Variants in ANXA4 observed in about 807,000 individuals in gnomAD.
The protein encoded by ANXA4 is 35-beta calcimedin.
ANXA4 carries 39 observed loss-of-function variants against 49.8 expected under a neutral mutation model. That is an observed-to-expected ratio of 0.78 (90% CI 0.61 to 1.02). ANXA4 has a LOEUF of 1.02. Ranked by LOEUF, ANXA4 falls within the 50% of genes least tolerant of loss-of-function variation. The pLI, the probability that ANXA4 is intolerant of heterozygous loss-of-function variation, is 0.00. For synonymous variants in ANXA4, 134 were observed against 152.5 expected (o/e 0.88, Z 0.89); for missense variants, 360 against 410.1 (o/e 0.88, Z 1.05).
upstream of ANXA4, among the ~76,000 whole-genome samples, chr2:69,740,866 T>G (rs1051709628): frequency 8.1e-5 from 12 of 148,258 alleles, no homozygotes; most frequent in African/African-American, 1.5e-4. Flanking sequence ...TTTTTTTTTT[T>G]TTTTTTTTTG....
At chr2:69,704,508 G>A (rs533860312) in intron 2 of ANXA4, among the ~76,000 whole-genome samples, 4 of 152,306 alleles carry the variant, frequency 2.6e-5, no homozygotes, top group Admixed American at 6.5e-5. Context: ...AATTGGCCTC[G>A]ATAGACGAGA....
rs192761490 is a variant in ANXA4, at chr2:69,824,992, G to A, written c.907-464G>A. Among the ~76,000 whole-genome samples the A allele has an allele frequency of 6.1e-4, 91 of 150,024 alleles. 1 individual carries two copies. In the East Asian group the frequency reaches 0.015, roughly 25 times the overall value. On this transcript the variant is annotated intron_variant, in intron 12 of 12. Coordinates refer to ENST00000394295, the MANE Select transcript of ANXA4 (RefSeq NM_001153.5). The stretch of plus-strand genomic sequence containing the variant: ...TGACGCAGAAGAATGGCGTGAACCC[G>A]GGAGGCAGAGCTTGCAGTGAGTCAA...
intron 2 of ANXA4, among the ~76,000 whole-genome samples, chr2:69,693,701 C>T (rs1678056530): frequency 6.6e-6 from 1 of 152,168 alleles, no homozygotes. Flanking sequence ...GTTTCATCAA[C>T]ATCTGTGACA....
intron 1 of ANXA4, among the ~76,000 whole-genome samples, chr2:69,646,795 A>G (rs1676023851): frequency 6.6e-6 from 1 of 152,206 alleles, no homozygotes. Flanking sequence ...TATTGAATCA[A>G]TTGTAGCTCA....
At chr2:69,703,774 TTATC>T (rs886317345) in intron 2 of ANXA4, among the ~76,000 whole-genome samples, 48 of 152,194 alleles carry the variant, frequency 3.2e-4, no homozygotes, top group Non-Finnish European at 2.8e-4. Flanking sequence ...TTTTATTCCA[TTATC>T]TATCTAAATC....
At chr2:69,794,620 T>G (rs957988069) in intron 3 of ANXA4, among the ~76,000 whole-genome samples, 11 of 152,122 alleles carry the variant, frequency 7.2e-5, no homozygotes, top group Non-Finnish European at 1.5e-5. Flanking sequence ...TGGAGTGCAG[T>G]GGCATGATCT....
intron 3 of ANXA4, among the ~76,000 whole-genome samples, chr2:69,802,365 A>C (rs1165306813): frequency 6.6e-6 from 1 of 152,250 alleles, no homozygotes; most frequent in Non-Finnish European, 1.5e-5. Context: ...GCTGTAAAGC[A>C]ACATTTTGCA....
chr2:69,812,480 G>A (rs1673749073), intron 7 of ANXA4, among the ~76,000 whole-genome samples, 173 bp from the exon 8 acceptor site: 1 of 152,176 alleles, frequency 6.6e-6, no homozygotes, highest in Non-Finnish European at 1.5e-5. Context: ...ACACATCAGA[G>A]CCATTGTAAT....
chr2:69,777,692 A>G (rs1271650830), intron 1 of ANXA4, among the ~76,000 whole-genome samples: 1 of 152,208 alleles, frequency 6.6e-6, no homozygotes, highest in Non-Finnish European at 1.5e-5. Flanking sequence ...TTTCTGCTGC[A>G]GGGCCTTTGC....
At chr2:69,735,991 C>T (rs1036485340) in intron 3 of ANXA4, among the ~76,000 whole-genome samples, 4 of 152,190 alleles carry the variant, frequency 2.6e-5, no homozygotes, top group Non-Finnish European at 5.9e-5. Context: ...GTTCTATTTA[C>T]ATGATCTCTG....
chr2:69,747,425 T>TC (rs1243638224), intron 1 of ANXA4, among the ~76,000 whole-genome samples: 1 of 152,116 alleles, frequency 6.6e-6, no homozygotes, highest in Non-Finnish European at 1.5e-5. Context: ...ATTTTCTGAG[T>TC]CTTACCCAAC....
At position 69,825,597 on chromosome 2, in the gene ANXA4, A is replaced by G; in HGVS notation, c.*82A>G. ...ATTTTTCTACACTGCTATTATCATT[A>G]TCTCAGAATGCTTATTTCCAATTAA... On this transcript the variant is annotated 3_prime_UTR_variant, in exon 13 of 13. Transcript: ENST00000394295. 1 of 1,033,582 alleles carries G rather than the reference A, an allele frequency of 9.7e-7. No homozygotes were observed. Among genetic ancestry groups the G allele is most frequent in the Non-Finnish European group, 1.5e-6 (1 of 683,456 alleles). The allele number at this position is 1,033,582 out of a possible 1,614,324, so 64.0% of individuals were successfully genotyped here.
At chr2:69,820,558 G>T in intron 11 of ANXA4, 141 bp from the exon 12 acceptor site, 1 of 899,380 alleles carries the variant, frequency 1.1e-6, no homozygotes, top group Non-Finnish European at 1.7e-6. Flanking sequence ...TAAAGAGTGA[G>T]GATATTCCTC....
intron 1 of ANXA4, among the ~76,000 whole-genome samples, chr2:69,749,895 C>T (rs1488898851): frequency 6.6e-6 from 1 of 151,130 alleles, no homozygotes; most frequent in Non-Finnish European, 1.5e-5. Context: ...TACACTCCAG[C>T]CTGGGTGACA....
chr2:69,812,023 G>A (rs1394008430), intron 7 of ANXA4, among the ~76,000 whole-genome samples: 1 of 152,056 alleles, frequency 6.6e-6, no homozygotes, highest in Non-Finnish European at 1.5e-5. Context: ...CTTGTGAGCT[G>A]GTGTTGGTGA....
Position 69,820,826 on chromosome 2 carries a change from G to T in ANXA4, c.906+5G>T. On this transcript the variant is annotated splice_donor_5th_base_variant and intron_variant, in intron 12 of 12. Coordinates refer to ENST00000394295, the MANE Select transcript of ANXA4 (RefSeq NM_001153.5). ...TCTCTGTACTCGTTCATCAAGGTAG[G>T]TCACAGCAGCCTAAGTCCAGAGTAA... 1 of 1,613,654 alleles carries T rather than the reference G, an allele frequency of 6.2e-7. No homozygotes were observed. The highest frequency in any genetic ancestry group is 2.2e-5 in the East Asian group (1 of 44,852).
At position 69,804,603 on chromosome 2, in the gene ANXA4, A is replaced by C; in HGVS notation, c.168A>C (p.Thr56=). 6.2e-7 allele frequency: 1 copy of C among 1,613,624 alleles called. No homozygotes were observed. Among genetic ancestry groups the C allele is most frequent in the Non-Finnish European group, 8.5e-7 (1 of 1,179,770 alleles). ...CCGCCCAGCGCCAGGAGATCAGGAC[A>C]GCCTACAAGAGCACCATCGGCAGGG... ...RNTAQRQEIR[T]AYKSTIGRDL... Residue 56 remains threonine, a synonymous_variant, in exon 4 of 13, where the codon ACA becomes ACC. Transcript: ENST00000394295.
intron 2 of ANXA4, among the ~76,000 whole-genome samples, chr2:69,714,281 G>A (rs1177423799): frequency 6.6e-6 from 1 of 152,162 alleles, no homozygotes; most frequent in Admixed American, 6.5e-5. Flanking sequence ...ACCCCATGGA[G>A]TGGAGAAGTG....
chr2:69,719,985 C>A (rs1669774612), intron 2 of ANXA4, among the ~76,000 whole-genome samples: 1 of 152,100 alleles, frequency 6.6e-6, no homozygotes, highest in East Asian at 1.9e-4. Flanking sequence ...ACGTGCCAGG[C>A]AACCAGTAAA....
Sources: allele counts gnomAD v4.1 joint callset (sites outside exome capture counted in the v4.1 genomes callset), GRCh38; gene constraint gnomAD v4.1.1; transcripts MANE v1.5; gene names NCBI Gene and HGNC (gene_info 2026-07-23, HGNC 2026-07-21).